Variants in PAK1 observed in about 807,000 individuals in gnomAD.
The protein encoded by PAK1 is p21 (RAC1) activated kinase 1, also known as serine/threonine-protein kinase PAK 1.
Under a neutral mutation model 67.4 loss-of-function variants are expected in PAK1, and 29 were observed. The ratio of observed to expected loss-of-function variants is 0.43; its 90% CI spans 0.32 to 0.59. PAK1 has a LOEUF of 0.59. Among genes scored for constraint, PAK1 ranks in the 20% least tolerant of loss-of-function variants. The pLI, the probability that PAK1 is intolerant of heterozygous loss-of-function variation, is 0.07. For missense variants in PAK1, 337 were observed against 670.7 expected (o/e 0.50, Z 5.50); for synonymous variants, 223 against 237.4 (o/e 0.94, Z 0.56).
chr11:77,373,503 T>C (rs1025900702), intron 5 of PAK1, among the ~76,000 whole-genome samples: 2 of 148,926 alleles, frequency 1.3e-5, no homozygotes, highest in Non-Finnish European at 3.0e-5. Context: ...GAGTTTACAC[T>C]GAGCTATGAT....
intron 1 of PAK1, among the ~76,000 whole-genome samples, chr11:77,392,952 A>G (rs906591702): frequency 2.0e-5 from 3 of 152,194 alleles, no homozygotes; most frequent in African/African-American, 7.2e-5. Context: ...CATTCCACAT[A>G]GTGAGTTCTC....
chr11:77,326,101 A>G (rs1302044024), intron 14 of PAK1, among the ~76,000 whole-genome samples: 1 of 152,236 alleles, frequency 6.6e-6, no homozygotes, highest in Non-Finnish European at 1.5e-5. Flanking sequence ...GATACTTACT[A>G]TTAGATCACT....
intron 1 of PAK1, among the ~76,000 whole-genome samples, chr11:77,470,076 A>G (rs1229169521): frequency 1.3e-5 from 2 of 152,170 alleles, no homozygotes; most frequent in Non-Finnish European, 2.9e-5. Flanking sequence ...CCAAAAAGAA[A>G]TATTTTTCTC....
chr11:77,383,559 G>A (rs188949655), intron 2 of PAK1, among the ~76,000 whole-genome samples: 1 of 152,060 alleles, frequency 6.6e-6, no homozygotes, highest in East Asian at 1.9e-4. Context: ...TCCTGAACTC[G>A]GGTGATCCAC....
At chr11:77,480,521 G>GTTTTTTTTTTTTTTTTTTT in the PAK1 span, among the ~76,000 whole-genome samples, 1 of 121,316 alleles carries the variant, frequency 8.2e-6, no homozygotes, top group African/African-American at 3.3e-5. Context: ...AACCACCATG[G>GTTTTTTTTTTTTTTTTTTT]TTTTTTTTTT....
chr11:77,484,106 A>G, the PAK1 span, among the ~76,000 whole-genome samples: 3 of 152,122 alleles, frequency 2.0e-5, no homozygotes, highest in East Asian at 1.9e-4. Flanking sequence ...GTAGGGTGCC[A>G]TAGCAAACTG....
At chr11:77,490,545 G>A in the PAK1 span, among the ~76,000 whole-genome samples, 4 of 151,902 alleles carry the variant, frequency 2.6e-5, no homozygotes, top group African/African-American at 9.7e-5. Context: ...CCCCGTCTGG[G>A]AGGTGAGGGG....
chr11:77,452,023 T>C (rs1396568332), intron 1 of PAK1, among the ~76,000 whole-genome samples: 3 of 152,204 alleles, frequency 2.0e-5, no homozygotes, highest in African/African-American at 7.2e-5. Flanking sequence ...AGAGCTATTA[T>C]TGTCTCAATT....
chr11:77,429,585 T>C (rs1049259812), intron 1 of PAK1, among the ~76,000 whole-genome samples: 2 of 152,268 alleles, frequency 1.3e-5, no homozygotes, highest in Admixed American at 6.5e-5. Context: ...CAAAGAAGCA[T>C]AACGTAAGAC....
chr11:77,415,046 A>T (rs946255899), intron 1 of PAK1, among the ~76,000 whole-genome samples: 7 of 152,010 alleles, frequency 4.6e-5, no homozygotes, highest in African/African-American at 9.7e-5. Context: ...GACCCAATTT[A>T]AAAAAAACAA....
intron 1 of PAK1, among the ~76,000 whole-genome samples, chr11:77,419,822 T>G (rs1022114054): frequency 6.6e-6 from 1 of 152,200 alleles, no homozygotes; most frequent in East Asian, 1.9e-4. Context: ...GTGAGGCCAA[T>G]TGCCTGTTAA....
intron 1 of PAK1, among the ~76,000 whole-genome samples, chr11:77,404,271 CT>C (rs879910147): frequency 4.9e-4 from 72 of 146,036 alleles, no homozygotes; most frequent in Admixed American, 6.9e-4. Context: ...CTTTTTCTTT[CT>C]TTTTTTTTTT....
chr11:77,462,222 T>C (rs921265944), intron 1 of PAK1, among the ~76,000 whole-genome samples: 8 of 150,994 alleles, frequency 5.3e-5, no homozygotes, highest in African/African-American at 7.3e-5. Context: ...TCCCAGCTAC[T>C]GGGGAGGCTG....
At position 77,322,963 on chromosome 11, in the gene PAK1, A is replaced by G; in HGVS notation, c.*311T>C. The G allele has an allele frequency of 1.7e-6, 1 of 594,700 alleles. No homozygotes were observed. Among genetic ancestry groups the G allele is most frequent in the South Asian group, 2.1e-5 (1 of 47,092 alleles). The allele number at this position is 594,700 out of a possible 1,614,324, so 36.8% of individuals were successfully genotyped here. On this transcript the variant is annotated 3_prime_UTR_variant, in exon 15 of 15. Coordinates refer to ENST00000356341, the MANE Select transcript of PAK1 (RefSeq NM_002576.5). ...TAATTGTGGGAGATGGTTATGAAGGAGGTGAGGATTTTGACACACGGAAGA... is the reference window on the plus strand; with the variant it reads ...TAATTGTGGGAGATGGTTATGAAGGGGGTGAGGATTTTGACACACGGAAGA...
intron 4 of PAK1, 63 bp from the exon 5 acceptor site, chr11:77,374,428 G>A: frequency 9.4e-7 from 1 of 1,063,474 alleles, no homozygotes. Context: ...TTTCTGGACA[G>A]CAAAAGAAGT....
At chr11:77,465,245 G>T (rs1047188142) in intron 1 of PAK1, among the ~76,000 whole-genome samples, 9 of 152,112 alleles carry the variant, frequency 5.9e-5, no homozygotes, top group African/African-American at 2.2e-4. Context: ...CAAATGATCA[G>T]GAACAGGTGA....
chr11:77,496,502 G>A, the PAK1 span, among the ~76,000 whole-genome samples: 1 of 152,084 alleles, frequency 6.6e-6, no homozygotes, highest in African/African-American at 2.4e-5. Context: ...GTGCACGCTT[G>A]TAGTCCCAGC....
At chr11:77,516,488 T>C in the PAK1 span, among the ~76,000 whole-genome samples, 2 of 152,202 alleles carry the variant, frequency 1.3e-5, no homozygotes, top group South Asian at 2.1e-4. Flanking sequence ...ATGTTTAGAA[T>C]AGTACTTAGA....
At chr11:77,465,977 G>T (rs1364498913) in intron 1 of PAK1, among the ~76,000 whole-genome samples, 1 of 152,096 alleles carries the variant, frequency 6.6e-6, no homozygotes, top group Non-Finnish European at 1.5e-5. Context: ...AATATTAATA[G>T]TAATTCTCTA....
Sources: allele counts gnomAD v4.1 joint callset (sites outside exome capture counted in the v4.1 genomes callset), GRCh38; gene constraint gnomAD v4.1.1; transcripts MANE v1.5; gene names NCBI Gene and HGNC (gene_info 2026-07-23, HGNC 2026-07-21).